The following EDDM3A variants were observed in gnomAD, a reference collection of about 807,000 sequenced individuals.
EDDM3A encodes epididymal secretory protein E3-alpha.
For missense variants in EDDM3A, 199 were observed against 177.4 expected (o/e 1.12, Z -0.69); for synonymous variants, 75 against 60.4 (o/e 1.24, Z -1.12).
the EDDM3A span, among the ~76,000 whole-genome samples, chr14:20,739,526 T>C: frequency 6.6e-6 from 1 of 152,206 alleles, no homozygotes; most frequent in Non-Finnish European, 1.5e-5. Flanking sequence ...AACTGAACCT[T>C]CTTTTGTAGG....
At chr14:20,737,055 T>TGTTTTC in the EDDM3A span, among the ~76,000 whole-genome samples, 1 of 81,702 alleles carries the variant, frequency 1.2e-5, no homozygotes. Flanking sequence ...TTCTTTTTCC[T>TGTTTTC]TTTTTTTTTT....
At position 20,748,047 on chromosome 14, in the gene EDDM3A, T is replaced by TA. The variant is rs755754321; in HGVS notation, c.*24dup. 18 of 1,557,258 alleles carry TA rather than the reference T, an allele frequency of 1.2e-5. No individual in the cohort carries two copies. The highest frequency in any genetic ancestry group is 1.6e-5 in the Non-Finnish European group (18 of 1,150,882). ...TAGAAAGTCTATGCACATCCTCAGATATTGGTAGAGTATTCAGTGCTTCCA... is the reference window on the plus strand; with the variant it reads ...TAGAAAGTCTATGCACATCCTCAGATAATTGGTAGAGTATTCAGTGCTTCCA... On this transcript the variant is annotated 3_prime_UTR_variant, in exon 2 of 2. Transcript: ENST00000326842.
upstream of EDDM3A, among the ~76,000 whole-genome samples, chr14:20,744,308 C>T (rs756211254): frequency 6.6e-6 from 1 of 152,204 alleles, no homozygotes; most frequent in Non-Finnish European, 1.5e-5. Context: ...GACTGCTTCA[C>T]AGGAGTGGGG....
In EDDM3A at chr14:20,748,214, C is replaced by T. The variant is rs995287245; in HGVS notation, c.*190C>T. The T allele has an allele frequency of 1.7e-5, 9 of 526,014 alleles. No homozygotes were observed. Among genetic ancestry groups the T allele is most frequent in the Non-Finnish European group, 2.7e-5 (8 of 297,146 alleles). The allele number at this position is 526,014 out of a possible 1,614,324, so 32.6% of individuals were successfully genotyped here. On this transcript the variant is annotated 3_prime_UTR_variant, in exon 2 of 2. Coordinates refer to ENST00000326842, the MANE Select transcript of EDDM3A (RefSeq NM_006683.5). ...TTGTGTGGTTTCTGTATCTGTAATA[C>T]AATTTTGTCCTAATTTGCCTAATTT...
At chr14:20,742,604 T>C (rs1877468033), upstream of EDDM3A, among the ~76,000 whole-genome samples, 1 of 152,152 alleles carries the variant, frequency 6.6e-6, no homozygotes, top group Non-Finnish European at 1.5e-5. Flanking sequence ...TTTGTTTTGT[T>C]TTGTTTTTGA....
upstream of EDDM3A, among the ~76,000 whole-genome samples, chr14:20,744,225 G>A (rs149478192): frequency 0.013 from 1,942 of 152,290 alleles, 17 homozygotes; most frequent in Admixed American, 0.023. Context: ...AGAGTAGAAG[G>A]ATGCACAGAA....
chr14:20,742,998 G>A (rs1566347820), upstream of EDDM3A, among the ~76,000 whole-genome samples: 3 of 152,332 alleles, frequency 2.0e-5, no homozygotes, highest in South Asian at 2.1e-4. Context: ...ACCTTCTCAA[G>A]TGTTGGGATT....
At chr14:20,743,136 G>A (rs1191939210), upstream of EDDM3A, among the ~76,000 whole-genome samples, 6 of 152,298 alleles carry the variant, frequency 3.9e-5, no homozygotes, top group East Asian at 9.6e-4. Context: ...TTGGAAGTCC[G>A]TGGATCACAG....
At chr14:20,744,222 A>G (rs996464127), upstream of EDDM3A, among the ~76,000 whole-genome samples, 9 of 152,198 alleles carry the variant, frequency 5.9e-5, no homozygotes, top group Admixed American at 2.6e-4. Context: ...TAGAGAGTAG[A>G]AGGATGCACA....
At chr14:20,738,892 T>A in the EDDM3A span, among the ~76,000 whole-genome samples, 2 of 152,154 alleles carry the variant, frequency 1.3e-5, no homozygotes, top group African/African-American at 4.8e-5. Flanking sequence ...TCATACAGAT[T>A]TAAGTCAGTA....
At chr14:20,746,193 T>C (rs1877582957) in intron 1 of EDDM3A, among the ~76,000 whole-genome samples, 1 of 152,168 alleles carries the variant, frequency 6.6e-6, no homozygotes, top group South Asian at 2.1e-4. Flanking sequence ...CTAAGCACAG[T>C]GCATTAAAGC....
chr14:20,745,690 C>T (rs1877563215), upstream of EDDM3A, among the ~76,000 whole-genome samples: 1 of 152,164 alleles, frequency 6.6e-6, no homozygotes, highest in Non-Finnish European at 1.5e-5. Context: ...TAGGGTCTTG[C>T]AATCATTTTG....
In EDDM3A at chr14:20,747,839, G is replaced by A. The variant is rs1004609385; in HGVS notation, c.259G>A (p.Asp87Asn). 2.7e-5 allele frequency: 44 copies of A among 1,613,850 alleles called. No homozygotes were observed. The highest frequency in any genetic ancestry group is 3.3e-5 in the Admixed American group (2 of 59,988). The change falls in exon 2 of 2, where the codon GAC becomes AAC. Residue 87 changes from aspartate (D) to asparagine (N), a missense_variant. Physicochemically the swap from Asp to Asn is conservative, Grantham distance 23 (BLOSUM62 1). Transcript: ENST00000326842. ...TGCATGCATCAATGAGAAGGGGAGC[G>A]ACCGATATAGAAATGCATATGTATG... ...QRACINEKGS[D>N]RYRNAYVWAP...
At chr14:20,738,171 T>C in the EDDM3A span, among the ~76,000 whole-genome samples, 1 of 151,960 alleles carries the variant, frequency 6.6e-6, no homozygotes, top group African/African-American at 2.4e-5. Flanking sequence ...TCAGAAGAGA[T>C]TAGTATCAAA....
At chr14:20,737,314 G>A in the EDDM3A span, among the ~76,000 whole-genome samples, 4 of 151,960 alleles carry the variant, frequency 2.6e-5, no homozygotes, top group African/African-American at 7.3e-5. Flanking sequence ...TGCCCACCTC[G>A]GCTTCCCAAA....
At position 20,747,542 on chromosome 14, in the gene EDDM3A, C is replaced by T. The variant is rs1204517367; in HGVS notation, c.-26-13C>T. Reference sequence around the variant, plus strand: ...TATAGTCTGGTTAATGCTTTTCTTTCTCTTCCCTGTAGACACGCAGGTGGA... The same window carrying T: ...TATAGTCTGGTTAATGCTTTTCTTTTTCTTCCCTGTAGACACGCAGGTGGA... On this transcript the variant is annotated splice_polypyrimidine_tract_variant and intron_variant, in intron 1 of 1. Coordinates refer to ENST00000326842, the MANE Select transcript of EDDM3A (RefSeq NM_006683.5). 2 of 1,493,322 alleles carry T rather than the reference C, an allele frequency of 1.3e-6. No homozygotes were observed. The highest frequency in any genetic ancestry group is 2.3e-5 in the East Asian group (1 of 44,154). 92.5% of individuals were successfully genotyped at this position (1,493,322 alleles called of 1,614,324 possible).
At chr14:20,738,920 G>C in the EDDM3A span, among the ~76,000 whole-genome samples, 1 of 152,102 alleles carries the variant, frequency 6.6e-6, no homozygotes, top group Admixed American at 6.5e-5. Flanking sequence ...CACTGAGAAG[G>C]GTCTCTTGTG....
the EDDM3A span, among the ~76,000 whole-genome samples, chr14:20,739,636 T>C: frequency 6.6e-6 from 1 of 152,338 alleles, no homozygotes; most frequent in East Asian, 1.9e-4. Context: ...TGATGTCAGT[T>C]TGTATTGCAT....
rs140958213 is a variant in EDDM3A at position 20,747,587 on chromosome 14, T to A, written c.7T>A (p.Ser3Thr). 100 of 1,599,444 alleles carry A rather than the reference T, an allele frequency of 6.3e-5. No individual in the cohort carries two copies. In the Middle Eastern group the frequency reaches 6.7e-4, roughly 11 times the overall value. Residue 3 changes from serine (S) to threonine (T), a missense_variant, in exon 2 of 2, where the codon TCC becomes ACC. Coordinates refer to ENST00000326842, the MANE Select transcript of EDDM3A (RefSeq NM_006683.5). The part of the protein sequence containing the change: MT[S>T]SLKIWGILLA... ...GGTGGACGTGGTGACTGAGATGACA[T>A]CCTCTCTAAAGATTTGGGGCATACT...
Sources: gnomAD v4.1 joint callset for allele counts (sites outside exome capture counted in the v4.1 genomes callset) on GRCh38, gnomAD v4.1.1 for gene constraint, MANE v1.5 for transcripts, NCBI Gene and HGNC (gene_info 2026-07-23, HGNC 2026-07-21) for gene names.